Variants in SYNE2 observed in about 807,000 individuals in gnomAD.
SYNE2 encodes the protein spectrin repeat containing nuclear envelope protein 2.
In SYNE2, 431 loss-of-function variants were observed where a neutral mutation model predicts 856.3. The ratio of observed to expected loss-of-function variants is 0.50; its 90% CI spans 0.47 to 0.55. The LOEUF (loss-of-function observed/expected upper bound fraction) is 0.55. Among genes scored for constraint, SYNE2 ranks in the 20% least tolerant of loss-of-function variants. SYNE2 has a pLI of 0.00. For synonymous variants in SYNE2, 2,923 were observed against 2,872.3 expected (o/e 1.02, Z -0.56); for missense variants, 8,129 against 8,023.2 (o/e 1.01, Z -0.50).
intron 1 of SYNE2, among the ~76,000 whole-genome samples, chr14:63,799,577 G>A (rs61985723): frequency 0.53 from 79,855 of 151,442 alleles, 21,930 homozygotes; most frequent in South Asian, 0.65. Context: ...GGTGGCGGGC[G>A]CCTGTAGTCC....
chr14:64,167,791 G>C (rs772727686), intron 92 of SYNE2, 152 bp downstream of exon 92: 89 of 1,064,304 alleles, frequency 8.4e-5, no homozygotes, highest in Middle Eastern at 5.8e-4. Flanking sequence ...TTGGTCATTT[G>C]TAAAATTCTT....
intron 63 of SYNE2, 24 bp from the exon 64 acceptor site, chr14:64,101,908 C>T: frequency 6.4e-7 from 1 of 1,573,326 alleles, no homozygotes. Context: ...CTTCCCTTTG[C>T]TAACCAATCG....
At chr14:63,869,401 C>T (rs1019272047) in intron 1 of SYNE2, among the ~76,000 whole-genome samples, 4 of 152,018 alleles carry the variant, frequency 2.6e-5, no homozygotes, top group African/African-American at 9.7e-5. Flanking sequence ...CGAGGTGGAT[C>T]TCCTGAAGTC....
At position 64,003,054 on chromosome 14, in the gene SYNE2, C is replaced by G. The variant is rs1376081642; in HGVS notation, c.4121C>G (p.Ala1374Gly). The change falls in exon 30 of 116, where the codon GCC becomes GGC. Residue 1374 changes from alanine to glycine, a missense_variant. By Grantham distance (60) the Ala-to-Gly change is moderately conservative. Around this residue, in one of 3 missense-constraint regions of SYNE2, gnomAD observed 2,422 missense variants for 2,357.4 expected, o/e 1.03. Transcript: ENST00000555002. ...GAAATTCATCTGATGAAAGACAAGG[C>G]CAAACATTTGGATAAATGTTTGAAG... is the stretch of plus-strand genomic sequence containing the variant. ...EGEIHLMKDK[A>G]KHLDKCLKML... is the part of the protein sequence containing the mutation. 3.1e-6 allele frequency: 5 copies of G among 1,614,022 alleles called. No homozygotes were observed. The highest frequency in any genetic ancestry group is 4.5e-5 in the East Asian group (2 of 44,870).
At chr14:63,809,901 T>C (rs1888548553) in intron 1 of SYNE2, among the ~76,000 whole-genome samples, 1 of 152,116 alleles carries the variant, frequency 6.6e-6, no homozygotes, top group African/African-American at 2.4e-5. Flanking sequence ...CCTAAAAAAA[T>C]CTCAAAAGAA....
At chr14:64,133,948 G>C (rs1418706746) in intron 77 of SYNE2, 121 bp from the exon 78 acceptor site, 1 of 1,208,354 alleles carries the variant, frequency 8.3e-7, no homozygotes, top group Non-Finnish European at 1.2e-6. Context: ...AACACACCTG[G>C]AATCTGTGCT....
rs752520876 is a variant in SYNE2, at chr14:64,223,393, G to A, written c.20382+13G>A. On this transcript the variant is annotated intron_variant, in intron 113 of 115. Coordinates refer to ENST00000555002, the MANE Select transcript of SYNE2 (RefSeq NM_182914.3). ...GCAGGGAACCCAGGTGAGTCTACTT[G>A]TAGCTTTTAACTGTAAAGATTGCCG... 20 of 1,613,130 alleles carry A rather than the reference G, an allele frequency of 1.2e-5. No homozygotes were observed. The Admixed American group carries it at 2.3e-4, about 19-fold the overall frequency.
chr14:64,092,755 G>T (rs2097636757), intron 60 of SYNE2, among the ~76,000 whole-genome samples: 2 of 152,184 alleles, frequency 1.3e-5, no homozygotes. Context: ...AGCACTAGAT[G>T]CCAGGTATTG....
chr14:63,991,255 C>T, intron 21 of SYNE2, 140 bp downstream of exon 21: 1 of 891,582 alleles, frequency 1.1e-6, no homozygotes, highest in Non-Finnish European at 1.7e-6. Context: ...CTATATTGTT[C>T]CCCTGAGGTT....
intron 2 of SYNE2, among the ~76,000 whole-genome samples, chr14:63,929,314 A>C (rs1290494488): frequency 2.0e-5 from 3 of 152,240 alleles, no homozygotes; most frequent in Non-Finnish European, 4.4e-5. Context: ...AGCTAAAAAA[A>C]TCTGTATCCT....
Position 64,027,734 on chromosome 14 carries a change from A to G in SYNE2, c.6655A>G (p.Ser2219Gly). 1.2e-6 allele frequency: 2 copies of G among 1,614,152 alleles called. No homozygotes were observed. The highest frequency in any genetic ancestry group is 1.7e-6 in the Non-Finnish European group (2 of 1,180,006). Residue 2219 changes from serine (S) to glycine (G), a missense_variant, in exon 43 of 116, where the codon AGT becomes GGT. Transcript: ENST00000555002. ...LLECTKNPSF[S>G]EEPWLEIKHL... The stretch of plus-strand genomic sequence containing the variant: ...GGAGTGCACTAAAAATCCCAGCTTC[A>G]GTGAAGAGCCTTGGCTGGAAATAAA...
chr14:63,915,674 CAT>C (rs1475452926), intron 2 of SYNE2, among the ~76,000 whole-genome samples: 3 of 152,038 alleles, frequency 2.0e-5, no homozygotes, highest in Non-Finnish European at 2.9e-5. Context: ...AAACAAGGCT[CAT>C]ATGTTTTATT....
intron 96 of SYNE2, among the ~76,000 whole-genome samples, chr14:64,183,368 C>T (rs1488955220): frequency 1.4e-5 from 2 of 144,724 alleles, no homozygotes; most frequent in African/African-American, 5.2e-5. Flanking sequence ...GGCGGCCGGG[C>T]AGAGATGCTC....
chr14:64,141,580 T>G (rs555423890), intron 81 of SYNE2, 57 bp downstream of exon 81: 3 of 1,557,198 alleles, frequency 1.9e-6, no homozygotes, highest in Non-Finnish European at 2.6e-6. Context: ...CTCATAACTC[T>G]TTTAAAATTA....
rs551138589 is a variant in SYNE2, at chr14:63,845,044, A to G, written c.-304-7457A>G. On this transcript the variant is annotated intron_variant, in intron 1 of 23. Coordinates refer to the SYNE2 transcript ENST00000674003. ...GTTATTTTATATCTTTATTTTTTCT[A>G]GTAAAATAGGTTTGTCTAGGCTATC... Among the ~76,000 whole-genome samples the G allele has an allele frequency of 2.0e-5, 3 of 152,268 alleles. No homozygotes were observed. In the East Asian group the frequency reaches 5.8e-4, roughly 29 times the overall value.
intron 99 of SYNE2, among the ~76,000 whole-genome samples, chr14:64,198,072 T>C (rs1281430159): frequency 6.6e-6 from 1 of 152,248 alleles, no homozygotes; most frequent in African/African-American, 2.4e-5. Flanking sequence ...GTTTTTCTGA[T>C]TCTCATAACT....
chr14:64,132,127 T>G, intron 76 of SYNE2, 138 bp from the exon 77 acceptor site: 1 of 950,100 alleles, frequency 1.1e-6, no homozygotes, highest in Non-Finnish European at 1.6e-6. Context: ...TTGGCCAGGC[T>G]GGTCAATTTG....
chr14:63,865,880 T>G (rs974003711), intron 1 of SYNE2, among the ~76,000 whole-genome samples: 1 of 152,144 alleles, frequency 6.6e-6, no homozygotes, highest in South Asian at 2.1e-4. Context: ...ATCTTCTAGC[T>G]CATTAAAAAA....
chr14:64,115,994 A>C (rs1419309634), intron 66 of SYNE2, among the ~76,000 whole-genome samples: 3 of 152,080 alleles, frequency 2.0e-5, no homozygotes, highest in Non-Finnish European at 4.4e-5. Flanking sequence ...TCTCTACAAA[A>C]TAATTTAAAA....
Sources: allele counts gnomAD v4.1 joint callset (sites outside exome capture counted in the v4.1 genomes callset), GRCh38; gene constraint gnomAD v4.1.1; regional missense constraint gnomAD v4.1.1; transcripts MANE v1.5; gene names NCBI Gene and HGNC (gene_info 2026-07-23, HGNC 2026-07-21).